Variants in SERPING1 observed in about 807,000 individuals in gnomAD.
The protein encoded by SERPING1 is serpin family G member 1, also known as plasma protease C1 inhibitor.
SERPING1 carries 5 observed loss-of-function variants against 34.1 expected under a neutral mutation model. That is an observed-to-expected ratio of 0.15 (90% CI 0.08 to 0.31). SERPING1 has a LOEUF of 0.31. Ranked by LOEUF, SERPING1 falls within the 10% of genes least tolerant of loss-of-function variation. The pLI, the probability that SERPING1 is intolerant of heterozygous loss-of-function variation, is 1.00. For synonymous variants in SERPING1, 225 were observed against 242.4 expected, an observed-to-expected ratio of 0.93 and a Z score of 0.67; for missense variants, 505 against 609.5, an observed-to-expected ratio of 0.83 and a Z score of 1.81.
chr11:57,598,810 G>T (rs1355636027), intron 2 of SERPING1, among the ~76,000 whole-genome samples: 2 of 152,150 alleles, frequency 1.3e-5, no homozygotes, highest in Admixed American at 1.3e-4. Flanking sequence ...GCAAACATAC[G>T]TGGGTCTGGG....
Position 57,598,369 on chromosome 11 carries a change from G to A in SERPING1, c.51+48G>A, listed in dbSNP as rs1945311780. ...GGGGACGGGGGTGGAGACGGGAGGC[G>A]GGATGGTGCGGGGTGCGGGCGGTGG... is the stretch of plus-strand genomic sequence containing the variant. On this transcript the variant is annotated intron_variant, in intron 2 of 7. Coordinates refer to ENST00000278407, the MANE Select transcript of SERPING1 (RefSeq NM_000062.3). The A allele has an allele frequency of 3.3e-6, 5 of 1,526,160 alleles. No homozygotes were observed. The South Asian group carries it at 4.8e-5, about 15-fold the overall frequency. The allele number at this position is 1,526,160 out of a possible 1,614,324, so 94.5% of individuals were successfully genotyped here.
At chr11:57,612,245 G>A (rs747070803) in intron 7 of SERPING1, among the ~76,000 whole-genome samples, 17 of 152,114 alleles carry the variant, frequency 1.1e-4, no homozygotes, top group Non-Finnish European at 1.8e-4. Context: ...GACATAGGCA[G>A]TGGAACAGTG....
intron 7 of SERPING1, among the ~76,000 whole-genome samples, chr11:57,613,960 A>G (rs780597933): frequency 2.6e-5 from 4 of 152,122 alleles, no homozygotes; most frequent in Non-Finnish European, 4.4e-5. Context: ...CTCCTATAGC[A>G]TATTTTCCCA....
intron 6 of SERPING1, among the ~76,000 whole-genome samples, chr11:57,609,586 A>C (rs1052609427): frequency 6.6e-6 from 1 of 152,130 alleles, no homozygotes; most frequent in African/African-American, 2.4e-5. Flanking sequence ...TCTCAGAAAA[A>C]AAAAAATAGG....
At chr11:57,599,768 C>G (rs1945326129) in intron 2 of SERPING1, 111 bp from the exon 3 acceptor site, 2 of 1,487,406 alleles carry the variant, frequency 1.3e-6, no homozygotes, top group Admixed American at 1.7e-5. Flanking sequence ...AGAAATTACT[C>G]TCTTGTACAG....
In SERPING1 at chr11:57,606,179, C is replaced by A; in HGVS notation, c.855C>A (p.Thr285=). 6.2e-7 allele frequency: 1 copy of A among 1,614,182 alleles called. No homozygotes were observed. The highest frequency in any genetic ancestry group is 8.5e-7 in the Non-Finnish European group (1 of 1,180,026). The change falls in exon 5 of 8, where the codon ACC becomes ACA. Residue 285 remains threonine (T), a synonymous_variant. Transcript: ENST00000278407. ...SRLLDSLPSD[T]RLVLLNAIYL... ...TGCTAGACAGTCTGCCCTCCGATAC[C>A]CGCCTTGTCCTCCTCAATGCTATCT...
intron 6 of SERPING1, among the ~76,000 whole-genome samples, chr11:57,608,053 T>C (rs563771516): frequency 6.6e-6 from 1 of 152,312 alleles, no homozygotes; most frequent in Non-Finnish European, 1.5e-5. Context: ...TATTTGACCA[T>C]TCATGACTCA....
intron 6 of SERPING1, chr11:57,611,365 C>T (rs1344341419): frequency 4.2e-5 from 14 of 331,664 alleles, no homozygotes; most frequent in East Asian, 4.0e-4. Context: ...ATAACTCTGG[C>T]GGTTCAATGT....
chr11:57,599,321 A>G (rs956195910), intron 2 of SERPING1, among the ~76,000 whole-genome samples: 2 of 152,148 alleles, frequency 1.3e-5, no homozygotes, highest in African/African-American at 4.8e-5. Flanking sequence ...AAATTGTTTC[A>G]GAGCCGCTGG....
intron 2 of SERPING1, 91 bp from the exon 3 acceptor site, chr11:57,599,788 C>T: frequency 3.2e-6 from 5 of 1,579,676 alleles, no homozygotes; most frequent in Non-Finnish European, 4.3e-6. Flanking sequence ...GGACATTTTC[C>T]ACATCCACAC....
In SERPING1 at chr11:57,600,196, C is replaced by T. The variant is rs1465637711; in HGVS notation, c.369C>T (p.Cys123=). Residue 123 remains cysteine, a synonymous_variant, in exon 3 of 8, where the codon TGC becomes TGT. Transcript: ENST00000278407. Reference sequence around the variant, plus strand: ...CCCAGCCCACTACTGGGTCCTTCTGCCCAGGACCTGTTACTCTCTGCTCTG... The same window carrying T: ...CCCAGCCCACTACTGGGTCCTTCTGTCCAGGACCTGTTACTCTCTGCTCTG... ...SPTQPTTGSF[C]PGPVTLCSDL... 1 of 1,613,802 alleles carries T rather than the reference C, an allele frequency of 6.2e-7. No homozygotes were observed. The highest frequency in any genetic ancestry group is 2.2e-5 in the East Asian group (1 of 44,872).
chr11:57,603,601 G>A (rs1212884905), intron 4 of SERPING1, among the ~76,000 whole-genome samples: 3 of 151,804 alleles, frequency 2.0e-5, no homozygotes, highest in East Asian at 3.9e-4. Context: ...CACTTTGGGA[G>A]GCTGAGGCGG....
rs1301397176 is a variant in SERPING1 at position 57,614,301 on chromosome 11, C to T, written c.1250-27C>T. On this transcript the variant is annotated intron_variant, in intron 7 of 7. Transcript: ENST00000278407. ...CTGAGGGTATCATGCTGGCTTCTGA[C>T]TCTGTTTTTCTCTGGTTTTGCCCTA... The T allele has an allele frequency of 3.7e-6, 6 of 1,611,828 alleles. 1 individual carries two copies. The South Asian group carries it at 6.6e-5, about 18-fold the overall frequency.
Position 57,606,015 on chromosome 11 carries a change from G to T in SERPING1, c.691G>T (p.Ala231Ser). The T allele has an allele frequency of 6.2e-7, 1 of 1,613,958 alleles. No individual in the cohort carries two copies. Among genetic ancestry groups the T allele is most frequent in the Non-Finnish European group, 8.5e-7 (1 of 1,179,966 alleles). ...CTTTCTCAACATACCCCCAGACCTG[G>T]CCATAAGGGACACCTTTGTGAATGC... ...VSQIFHSPDL[A>S]IRDTFVNASR... The change falls in exon 5 of 8, where the codon GCC becomes TCC. Residue 231 changes from alanine (A) to serine (S), a missense_variant. By Grantham distance (99) the Ala-to-Ser change is moderately conservative (BLOSUM62 1). Coordinates refer to ENST00000278407, the MANE Select transcript of SERPING1 (RefSeq NM_000062.3).
intron 4 of SERPING1, among the ~76,000 whole-genome samples, chr11:57,602,791 A>G (rs1945365984): frequency 6.6e-6 from 1 of 151,014 alleles, no homozygotes; most frequent in African/African-American, 2.4e-5. Context: ...AACAAAAAAA[A>G]AAACAAAGAA....
chr11:57,598,200 C>G (rs1300394550), intron 1 of SERPING1, 49 bp from the exon 2 acceptor site: 1 of 1,480,228 alleles, frequency 6.8e-7, no homozygotes, highest in South Asian at 1.3e-5. Flanking sequence ...GGTGGGGGCC[C>G]CTGGGCTCCC....
chr11:57,601,149 C>A (rs1180200652), intron 3 of SERPING1, among the ~76,000 whole-genome samples: 3 of 151,642 alleles, frequency 2.0e-5, no homozygotes, highest in Non-Finnish European at 2.9e-5. Context: ...ACCTGTAATC[C>A]CAGCATTTTA....
chr11:57,605,730 A>C, intron 4 of SERPING1: 1 of 477,430 alleles, frequency 2.1e-6, no homozygotes, highest in Non-Finnish European at 3.8e-6. Context: ...GGCAAATGGA[A>C]TTTAATATCT....
At chr11:57,601,040 A>T (rs1945342260) in intron 3 of SERPING1, among the ~76,000 whole-genome samples, 9 of 151,790 alleles carry the variant, frequency 5.9e-5, no homozygotes, top group Non-Finnish European at 8.8e-5. Flanking sequence ...GATCACTTTA[A>T]CCTCTCTGAG....
Sources: allele counts gnomAD v4.1 joint callset (sites outside exome capture counted in the v4.1 genomes callset), GRCh38; gene constraint gnomAD v4.1.1; transcripts MANE v1.5; gene names NCBI Gene and HGNC (gene_info 2026-07-23, HGNC 2026-07-21).